PCDHA4: variants seen among roughly 807,000 people sequenced by gnomAD.
The protein encoded by PCDHA4 is protocadherin alpha 4.
Under a neutral mutation model 61.4 loss-of-function variants are expected in PCDHA4, and 49 were observed. The ratio of observed to expected loss-of-function variants is 0.80; its 90% CI spans 0.63 to 1.01. The LOEUF (loss-of-function observed/expected upper bound fraction) is 1.01. Ranked by LOEUF, PCDHA4 falls within the 50% of genes least tolerant of loss-of-function variation. The pLI is 0.00. For missense variants in PCDHA4, 1,254 were observed against 1,235.8 expected (o/e 1.01, Z -0.22); for synonymous variants, 590 against 550.3 (o/e 1.07, Z -1.01).
At chr5:140,952,111 G>A (rs1040553968) in intron 1 of PCDHA4, among the ~76,000 whole-genome samples, 1 of 152,086 alleles carries the variant, frequency 6.6e-6, no homozygotes, top group Non-Finnish European at 1.5e-5. Context: ...ACTCGTGTGA[G>A]GGATGGGCTC....
At chr5:140,902,406 T>A (rs1166768605) in intron 1 of PCDHA4, among the ~76,000 whole-genome samples, 1 of 152,088 alleles carries the variant, frequency 6.6e-6, no homozygotes, top group Non-Finnish European at 1.5e-5. Flanking sequence ...AATACTATGT[T>A]GAATAACAGT....
chr5:140,894,239 A>C (rs1323710769), intron 1 of PCDHA4, among the ~76,000 whole-genome samples: 11 of 152,028 alleles, frequency 7.2e-5, no homozygotes, highest in African/African-American at 2.2e-4. Flanking sequence ...ATGACAATGT[A>C]ATTTTCTTTT....
intron 1 of PCDHA4, chr5:140,837,222 G>A (rs1385766412): frequency 1.3e-5 from 2 of 152,114 alleles, no homozygotes; most frequent in Admixed American, 6.6e-5. Context: ...TGAATTTTAA[G>A]CATTTCTTTT....
intron 1 of PCDHA4, chr5:140,855,837 C>A (rs2043640312): frequency 3.3e-6 from 2 of 610,842 alleles, no homozygotes; most frequent in Non-Finnish European, 5.6e-6. Flanking sequence ...ATCGTACTTA[C>A]ACCTAAAGCC....
Position 141,010,819 on chromosome 5 carries a change from TG to T in PCDHA4, c.*883del, listed in dbSNP as rs2098418471. ...AAAACCCCGACACCTCACCTTTCGCTGTTTGTTGTTTCATAGATTTATTTAA... is the reference window on the plus strand; with the variant it reads ...AAAACCCCGACACCTCACCTTTCGCTTTTGTTGTTTCATAGATTTATTTAA... On this transcript the variant is annotated 3_prime_UTR_variant, in exon 4 of 4. Coordinates refer to ENST00000530339, the MANE Select transcript of PCDHA4 (RefSeq NM_018907.4). The T allele has an allele frequency of 6.5e-6, 1 of 153,784 alleles. No individual in the cohort carries two copies. The highest frequency in any genetic ancestry group is 2.1e-4 in the South Asian group (1 of 4,838). 9.5% of individuals were successfully genotyped at this position (153,784 alleles called of 1,614,324 possible).
At chr5:140,836,327 G>C in intron 1 of PCDHA4, 1 of 1,613,772 alleles carries the variant, frequency 6.2e-7, no homozygotes, top group Non-Finnish European at 8.5e-7. Flanking sequence ...ACCGCCTTCT[G>C]GTGCTTGTGA....
intron 1 of PCDHA4, among the ~76,000 whole-genome samples, chr5:140,888,250 G>A (rs2061753546): frequency 6.6e-6 from 1 of 152,128 alleles, no homozygotes; most frequent in African/African-American, 2.4e-5. Flanking sequence ...CTTTAAAGCA[G>A]TAGTTCTTGA....
intron 1 of PCDHA4, chr5:140,841,894 G>T (rs2150324994): frequency 6.2e-7 from 1 of 1,613,814 alleles, no homozygotes; most frequent in Non-Finnish European, 8.5e-7. Flanking sequence ...AGAATAAACT[G>T]GTTGAGCTCG....
At chr5:140,836,800 A>C (rs1774751613) in intron 1 of PCDHA4, 1 of 1,349,242 alleles carries the variant, frequency 7.4e-7, no homozygotes, top group Non-Finnish European at 1.0e-6. Flanking sequence ...TGGTCTCCTT[A>C]AATTTTCTTT....
At chr5:140,894,259 T>A (rs2064392118) in intron 1 of PCDHA4, among the ~76,000 whole-genome samples, 1 of 152,106 alleles carries the variant, frequency 6.6e-6, no homozygotes. Context: ...TCTTTACAAG[T>A]GGTAGCTTAT....
intron 1 of PCDHA4, among the ~76,000 whole-genome samples, chr5:140,931,914 A>C (rs1374173998): frequency 1.3e-5 from 2 of 151,960 alleles, no homozygotes; most frequent in Admixed American, 1.3e-4. Context: ...AAAGCATGAC[A>C]TTTAACAATG....
chr5:140,939,787 C>G (rs1486449192), intron 1 of PCDHA4, among the ~76,000 whole-genome samples: 2 of 152,180 alleles, frequency 1.3e-5, no homozygotes, highest in African/African-American at 2.4e-5. Flanking sequence ...TGGTCAATTT[C>G]TATAAATGTT....
chr5:140,935,527 C>G (rs956168876), intron 1 of PCDHA4, among the ~76,000 whole-genome samples: 4 of 152,172 alleles, frequency 2.6e-5, no homozygotes, highest in Non-Finnish European at 5.9e-5. Context: ...CATGTACAGT[C>G]AAATTATTGT....
At chr5:140,882,824 C>G in intron 1 of PCDHA4, 6 of 1,614,206 alleles carry the variant, frequency 3.7e-6, no homozygotes, top group Non-Finnish European at 5.1e-6. Flanking sequence ...ACAAAACAGT[C>G]TTGAGCAAAT....
At chr5:140,999,521 T>C (rs1554256849) in intron 3 of PCDHA4, among the ~76,000 whole-genome samples, 1 of 152,106 alleles carries the variant, frequency 6.6e-6, no homozygotes, top group Non-Finnish European at 1.5e-5. Flanking sequence ...AGCATTTTGT[T>C]ACCCCCTGGA....
chr5:140,998,569 GT>G (rs71574497), intron 3 of PCDHA4, among the ~76,000 whole-genome samples: 30,440 of 149,318 alleles, frequency 0.2, 3,131 homozygotes, highest in Middle Eastern at 0.33. Flanking sequence ...TTGTAAATAA[GT>G]TTTTTTTTTT....
chr5:140,978,989 T>G lies in PCDHA4; in HGVS notation c.2426T>G (p.Leu809Arg). 1 of 1,614,212 alleles carries G rather than the reference T, an allele frequency of 6.2e-7. No individual in the cohort carries two copies. Among genetic ancestry groups the G allele is most frequent in the Non-Finnish European group, 8.5e-7 (1 of 1,180,034 alleles). Residue 809 changes from leucine to arginine, a missense_variant, in exon 2 of 4, where the codon CTG (leucine) becomes CGG (arginine). Transcript: ENST00000530339. Reference protein sequence around the residue: ...PNPDWRYSASLRAGMHSSVHL... With the variant: ...PNPDWRYSASRRAGMHSSVHL... ...CCTGACTGGCGTTACTCTGCCTCCC[T>G]GAGAGCAGGCATGCACAGGTATGTA...
At chr5:140,823,552 G>A (rs2150126819) in intron 1 of PCDHA4, 1 of 1,613,888 alleles carries the variant, frequency 6.2e-7, no homozygotes, top group Non-Finnish European at 8.5e-7. Flanking sequence ...GGTGGCGAAG[G>A]TGCGCGCAGT....
In PCDHA4 at chr5:140,883,789, C is replaced by T. The variant is rs782802452; in HGVS notation, c.2385+74217C>T. ...TGGGCGAGCGTGCGCTGTCGAGCTACGTGTCGGTGCACGCGGAGAGCGGCA... is the reference window on the plus strand; with the variant it reads ...TGGGCGAGCGTGCGCTGTCGAGCTATGTGTCGGTGCACGCGGAGAGCGGCA... On this transcript the variant is annotated intron_variant, in intron 1 of 3. Coordinates refer to ENST00000530339, the MANE Select transcript of PCDHA4 (RefSeq NM_018907.4). 1.4e-5 allele frequency: 22 copies of T among 1,612,296 alleles called. No homozygotes were observed. In the South Asian group the frequency reaches 2.0e-4, roughly 14 times the overall value.
Sources: allele counts gnomAD v4.1 joint callset (sites outside exome capture counted in the v4.1 genomes callset), GRCh38; gene constraint gnomAD v4.1.1; transcripts MANE v1.5; gene names NCBI Gene and HGNC (gene_info 2026-07-23, HGNC 2026-07-21).